CNTNAP2: variants seen among roughly 807,000 people sequenced by gnomAD.
CNTNAP2 encodes contactin-associated protein-like 2.
CNTNAP2 carries 98 observed loss-of-function variants against 155.2 expected under a neutral mutation model. That is an observed-to-expected ratio of 0.63 (90% CI 0.54 to 0.75). The LOEUF is 0.75. Ranked by LOEUF, CNTNAP2 falls within the 30% of genes least tolerant of loss-of-function variation. CNTNAP2 has a pLI of 0.00. For missense variants in CNTNAP2, 1,727 were observed against 1,688.1 expected, an observed-to-expected ratio of 1.02 and a Z score of -0.40; for synonymous variants, 651 against 631.2, an observed-to-expected ratio of 1.03 and a Z score of -0.47.
At chr7:147,541,652 G>C (rs1337264132) in intron 11 of CNTNAP2, among the ~76,000 whole-genome samples, 1 of 152,144 alleles carries the variant, frequency 6.6e-6, no homozygotes, top group Non-Finnish European at 1.5e-5. Flanking sequence ...AGGTAAGGTT[G>C]AGCAGGTCAT....
At chr7:147,332,695 C>T (rs910885802) in intron 9 of CNTNAP2, among the ~76,000 whole-genome samples, 1 of 152,126 alleles carries the variant, frequency 6.6e-6, no homozygotes, top group Admixed American at 6.5e-5. Context: ...AACCCCGTCT[C>T]TACTAATAGT....
At chr7:146,766,978 A>G (rs1802206478) in intron 1 of CNTNAP2, among the ~76,000 whole-genome samples, 2 of 152,314 alleles carry the variant, frequency 1.3e-5, no homozygotes, top group South Asian at 2.1e-4. Flanking sequence ...AGATGAATTT[A>G]TTGTATTCAC....
chr7:148,179,741 G>T (rs1376907814), intron 18 of CNTNAP2, among the ~76,000 whole-genome samples: 1 of 150,424 alleles, frequency 6.6e-6, no homozygotes, highest in African/African-American at 2.4e-5. Flanking sequence ...GAGGAGAGAA[G>T]GAAGGAAGGA....
At chr7:146,920,857 T>A (rs1189824079) in intron 3 of CNTNAP2, among the ~76,000 whole-genome samples, 1 of 152,118 alleles carries the variant, frequency 6.6e-6, no homozygotes, top group Non-Finnish European at 1.5e-5. Flanking sequence ...AAAAGTGACA[T>A]AAATGCCAGC....
intron 13 of CNTNAP2, among the ~76,000 whole-genome samples, chr7:147,641,314 A>G (rs1348557212): frequency 6.6e-6 from 1 of 152,242 alleles, no homozygotes; most frequent in Non-Finnish European, 1.5e-5. Context: ...TTATAGACAG[A>G]GTACCCTCTA....
chr7:147,505,682 C>T (rs1326014653), intron 11 of CNTNAP2, among the ~76,000 whole-genome samples: 1 of 152,158 alleles, frequency 6.6e-6, no homozygotes, highest in Non-Finnish European at 1.5e-5. Context: ...GTAATGCTAT[C>T]GATCACCAAA....
chr7:146,604,301 C>A (rs369443761), intron 1 of CNTNAP2, among the ~76,000 whole-genome samples: 2,600 of 107,116 alleles, frequency 0.024, 55 homozygotes, highest in Admixed American at 0.078. Flanking sequence ...GACATTTATG[C>A]AGCCAAAAAA....
At chr7:146,836,300 G>C (rs1803616090) in intron 2 of CNTNAP2, among the ~76,000 whole-genome samples, 1 of 151,842 alleles carries the variant, frequency 6.6e-6, no homozygotes, top group Admixed American at 6.6e-5. Context: ...TCAACCCTCT[G>C]TCCAGCTACA....
chr7:147,235,205 G>T (rs550132992), intron 8 of CNTNAP2, among the ~76,000 whole-genome samples: 6 of 152,062 alleles, frequency 3.9e-5, no homozygotes, highest in African/African-American at 1.4e-4. Flanking sequence ...CCTGTCTTTG[G>T]ACTCAAACTA....
intron 1 of CNTNAP2, among the ~76,000 whole-genome samples, chr7:146,122,631 G>T (rs1318084172): frequency 6.8e-6 from 1 of 147,550 alleles, no homozygotes; most frequent in Non-Finnish European, 1.5e-5. Flanking sequence ...GTGTTACTCT[G>T]GTTAGGACTT....
At position 146,221,599 on chromosome 7, in the gene CNTNAP2, A is replaced by G. The variant is rs529853048; in HGVS notation, c.97+104626A>G. On this transcript the variant is annotated intron_variant, in intron 1 of 23. Transcript: ENST00000361727. ...CCCAATATTTATAATCAATCAGATA[A>G]AGAGTCCGATATTTTCTGGGTAAAA... 1.5e-3 allele frequency among the ~76,000 whole-genome samples: 227 copies of G among 152,268 alleles called. 4 individuals carry two copies. The highest frequency in any genetic ancestry group is 1.8e-4 in the Non-Finnish European group (12 of 68,012).
At chr7:147,138,709 G>C (rs929861056) in intron 8 of CNTNAP2, among the ~76,000 whole-genome samples, 2 of 151,902 alleles carry the variant, frequency 1.3e-5, no homozygotes, top group Non-Finnish European at 2.9e-5. Context: ...AAGCAAAAGG[G>C]ACATTTTAAT....
At chr7:146,983,200 A>C (rs1273367506) in intron 3 of CNTNAP2, among the ~76,000 whole-genome samples, 1 of 152,198 alleles carries the variant, frequency 6.6e-6, no homozygotes, top group Non-Finnish European at 1.5e-5. Flanking sequence ...ATGGCTTTTA[A>C]AATTGTGTTT....
intron 1 of CNTNAP2, among the ~76,000 whole-genome samples, chr7:146,711,504 C>T (rs1012567825): frequency 6.7e-6 from 1 of 148,404 alleles, no homozygotes; most frequent in African/African-American, 2.5e-5. Flanking sequence ...CCACTGTTAC[C>T]ATGTGCCTGG....
At chr7:146,776,820 T>C (rs968447424) in intron 2 of CNTNAP2, among the ~76,000 whole-genome samples, 12 of 152,194 alleles carry the variant, frequency 7.9e-5, no homozygotes, top group Non-Finnish European at 1.6e-4. Context: ...TAGAGCTGCT[T>C]ATGTATTTAT....
intron 10 of CNTNAP2, among the ~76,000 whole-genome samples, chr7:147,414,012 T>G (rs1797145315): frequency 6.6e-6 from 1 of 152,230 alleles, no homozygotes; most frequent in African/African-American, 2.4e-5. Context: ...TGAAGTTTGC[T>G]CAAAGCTTTA....
intron 2 of CNTNAP2, among the ~76,000 whole-genome samples, chr7:146,788,572 T>C (rs1032781024): frequency 3.3e-5 from 5 of 152,260 alleles, no homozygotes; most frequent in Non-Finnish European, 5.9e-5. Flanking sequence ...CAAAGGATGT[T>C]ACCACTGCCC....
At chr7:146,868,614 C>G (rs912496659) in intron 3 of CNTNAP2, among the ~76,000 whole-genome samples, 2 of 152,128 alleles carry the variant, frequency 1.3e-5, no homozygotes, top group African/African-American at 4.8e-5. Flanking sequence ...GCTGTATAGC[C>G]ATATTAATGA....
intron 1 of CNTNAP2, among the ~76,000 whole-genome samples, chr7:146,668,444 GTGTGTGTGTGTGT>G (rs1800238548): frequency 1.3e-5 from 2 of 149,754 alleles, no homozygotes. Context: ...GTGTGTGTGT[GTGTGTGTGTGTGT>G]GTGTGTGTGT....
Sources: allele counts gnomAD v4.1 joint callset (sites outside exome capture counted in the v4.1 genomes callset), GRCh38; gene constraint gnomAD v4.1.1; transcripts MANE v1.5; gene names NCBI Gene and HGNC (gene_info 2026-07-23, HGNC 2026-07-21).